Variants in TMEM184A observed in about 807,000 individuals in gnomAD.
TMEM184A encodes sexually dimorphic, expressed in male gonads 1.
In TMEM184A, 40 loss-of-function variants were observed where a neutral mutation model predicts 39.5. The observed-to-expected ratio is 1.01, with a 90% CI of 0.79 to 1.32. The LOEUF is 1.32. Ranked by LOEUF, TMEM184A falls within the 40% of genes most tolerant of loss-of-function variation. The pLI, the probability that TMEM184A is intolerant of heterozygous loss-of-function variation, is 0.00. For missense variants in TMEM184A, 603 were observed against 568.8 expected (o/e 1.06, Z -0.61); for synonymous variants, 280 against 252.3 (o/e 1.11, Z -1.04).
Position 1,555,406 on chromosome 7 carries a change from G to A in TMEM184A, c.79C>T (p.Pro27Ser), listed in dbSNP as rs1308945694. The A allele has an allele frequency of 6.2e-7, 1 of 1,611,932 alleles. No homozygotes were observed. The highest frequency in any genetic ancestry group is 1.7e-5 in the Admixed American group (1 of 59,944). Residue 27 changes from proline to serine, a missense_variant, in exon 2 of 9, where the codon CCG (proline) becomes TCG (serine). Physicochemically the swap from Pro to Ser is moderately conservative, Grantham distance 74. Coordinates refer to ENST00000297477, the MANE Select transcript of TMEM184A (RefSeq NM_001097620.2). This position sits in a 1 kb window ranked among gnomAD's most constrained non-coding sequence, Gnocchi z 5.2. ...SANWPQPSPPPAVPAGPQMDH... is the reference protein window; with the variant it reads ...SANWPQPSPPSAVPAGPQMDH... ...ATCTGCGGCCCAGCTGGCACAGCCGGTGGGGGGCTGGGCTGCGGCCAGTTC... is the reference window on the plus strand; with the variant it reads ...ATCTGCGGCCCAGCTGGCACAGCCGATGGGGGGCTGGGCTGCGGCCAGTTC...
intron 6 of TMEM184A, chr7:1,549,029 GCC>G: frequency 1.9e-6 from 1 of 524,718 alleles, no homozygotes; most frequent in South Asian, 1.5e-5. Flanking sequence ...CCTGGCCACT[GCC>G]TGAAGATCCT....
chr7:1,549,721 C>G, intron 6 of TMEM184A, 133 bp downstream of exon 6: 2 of 807,858 alleles, frequency 2.5e-6, no homozygotes, highest in Non-Finnish European at 4.1e-6. Flanking sequence ...CCACCTCATG[C>G]CAGGTGCCCC....
rs1215533134 is a variant in TMEM184A, at chr7:1,555,084, C to A, written c.219+182G>T. Among the ~76,000 whole-genome samples the A allele has an allele frequency of 1.3e-5, 2 of 152,108 alleles. No homozygotes were observed. Among genetic ancestry groups the A allele is most frequent in the African/African-American group, 4.8e-5 (2 of 41,428 alleles). On this transcript the variant is annotated intron_variant, in intron 2 of 8. Transcript: ENST00000297477. This position sits in a 1 kb window ranked among gnomAD's most constrained non-coding sequence, Gnocchi z 5.2. Reference sequence around the variant, plus strand: ...GCCCTCAGCCTGGCAGAGATCTCCCCATTTTCAGGCCCAGCTCCCACATGC... The same window carrying A: ...GCCCTCAGCCTGGCAGAGATCTCCCAATTTTCAGGCCCAGCTCCCACATGC...
intron 7 of TMEM184A, 106 bp downstream of exon 7, chr7:1,548,410 GAGA>G: frequency 7.6e-7 from 1 of 1,313,072 alleles, no homozygotes; most frequent in Non-Finnish European, 1.1e-6. Context: ...GCTGCAGCTG[GAGA>G]AACTGAAGCA....
chr7:1,550,475 G>T, intron 3 of TMEM184A, 80 bp from the exon 4 acceptor site: 2 of 1,229,040 alleles, frequency 1.6e-6, no homozygotes, highest in Non-Finnish European at 2.3e-6. Context: ...ACCAGGGCAG[G>T]AGGAGGCTCG....
rs771538542 is a variant in TMEM184A at position 1,550,340 on chromosome 7, G to A, written c.441C>T (p.Gly147=). 3.0e-5 allele frequency: 48 copies of A among 1,612,826 alleles called. No homozygotes were observed. Among genetic ancestry groups the A allele is most frequent in the Non-Finnish European group, 3.4e-5 (40 of 1,179,790 alleles). Residue 147 remains glycine (G), a synonymous_variant, in exon 4 of 9, where the codon GGC becomes GGT. Transcript: ENST00000297477. ...SLCFQYLGGE[G]AIMAEIRGKP... is the part of the protein sequence containing the mutation. ...TTCCACGAATCTCAGCCATGATGGC[G>A]CCCTCGCCTCCCAGGTACTGGAAAC...
rs1435615316 is a variant in TMEM184A at position 1,547,153 on chromosome 7, G to A, written c.1041C>T (p.Ser347=). The A allele has an allele frequency of 1.2e-6, 2 of 1,607,494 alleles. No individual in the cohort carries two copies. The highest frequency in any genetic ancestry group is 8.5e-7 in the Non-Finnish European group (1 of 1,179,306). The change falls in exon 9 of 9, where the codon TCC becomes TCT. Residue 347 remains serine, a synonymous_variant. Transcript: ENST00000297477. ...PAPPAPMQSI[S]SGIRETVSPQ... ...GGCTCACTGTCTCCCTGATGCCGCT[G>A]GAGATGCTCTGCATGGGTGCCGGGG...
chr7:1,547,326 C>G, intron 8 of TMEM184A, 145 bp from the exon 9 acceptor site: 1 of 619,056 alleles, frequency 1.6e-6, no homozygotes, highest in South Asian at 2.0e-5. Context: ...GACCCCTGGA[C>G]CCCAGCCCAG....
rs1470829781 is a variant in TMEM184A at position 1,555,440 on chromosome 7, CA to C, written c.44del (p.Leu15ArgfsTer122). 1 of 1,610,532 alleles carries C rather than the reference CA, an allele frequency of 6.2e-7. No homozygotes were observed. The highest frequency in any genetic ancestry group is 2.2e-5 in the East Asian group (1 of 44,876). On this transcript the variant is annotated frameshift_variant, in exon 2 of 9. Coordinates refer to ENST00000297477, the MANE Select transcript of TMEM184A (RefSeq NM_001097620.2). LOFTEE classifies it high-confidence loss of function. This position sits in a 1 kb window ranked among gnomAD's most constrained non-coding sequence, Gnocchi z 5.2. Reference protein sequence around the residue: ...SGILETAGVPLVSANWPQPSP... With the variant: ...SGILETAGVPXVSANWPQPSP... ...TGGGCTGCGGCCAGTTCGCTGACAC[CA>C]GGGGGACGCCGGCTGTCTCCAGGAT...
chr7:1,550,033 C>T (rs1246725383), intron 5 of TMEM184A, 88 bp from the exon 6 acceptor site: 1 of 1,593,622 alleles, frequency 6.3e-7, no homozygotes, highest in Non-Finnish European at 8.6e-7. Context: ...TGAGCAGCCC[C>T]CTGACACTGG....
chr7:1,546,761 T>C lies in TMEM184A; in HGVS notation c.*191A>G. On this transcript the variant is annotated 3_prime_UTR_variant, in exon 9 of 9. Coordinates refer to ENST00000297477, the MANE Select transcript of TMEM184A (RefSeq NM_001097620.2). ...TCCTGCGGTGGCGGGCCCACCTGGG[T>C]GCCTGCCAGGGCCATCAGGTGCCCT... The C allele has an allele frequency of 1.9e-6, 1 of 526,062 alleles. No homozygotes were observed. The highest frequency in any genetic ancestry group is 2.0e-5 in the African/African-American group (1 of 50,890). 32.6% of individuals were successfully genotyped at this position (526,062 alleles called of 1,614,324 possible).
At position 1,550,288 on chromosome 7, in the gene TMEM184A, T is replaced by C; in HGVS notation, c.476+17A>G. 1 of 1,611,888 alleles carries C rather than the reference T, an allele frequency of 6.2e-7. No individual in the cohort carries two copies. Among genetic ancestry groups the C allele is most frequent in the Non-Finnish European group, 8.5e-7 (1 of 1,179,264 alleles). On this transcript the variant is annotated intron_variant, in intron 4 of 8. Coordinates refer to ENST00000297477, the MANE Select transcript of TMEM184A (RefSeq NM_001097620.2). ...CCAGGTGTGTGGGGTGTGGGGGCTC[T>C]GGGGTGACGGGCTTACTTGATGGGC...
Position 1,555,342 on chromosome 7 carries a change from A to T in TMEM184A, c.143T>A (p.Leu48His), listed in dbSNP as rs376634312. Residue 48 changes from leucine (L) to histidine (H), a missense_variant, in exon 2 of 9, where the codon CTC (leucine) becomes CAC (histidine). Physicochemically the swap from Leu to His is moderately conservative, Grantham distance 99. Coordinates refer to ENST00000297477, the MANE Select transcript of TMEM184A (RefSeq NM_001097620.2). This position sits in a 1 kb window ranked among gnomAD's most constrained non-coding sequence, Gnocchi z 5.2. ...TCGGGCCAGTGCGGAGGTGAGGAAG[A>T]GCCAGGGGGCCCCCTGGGAGCTGTT... The part of the protein sequence containing the change: ...MGNSSQGAPW[L>H]FLTSALARGV... 2.0e-5 allele frequency: 32 copies of T among 1,609,776 alleles called. No homozygotes were observed. In the African/African-American group the frequency reaches 4.0e-4, roughly 20 times the overall value.
Position 1,550,810 on chromosome 7 carries a change from C to T in TMEM184A, c.385+7G>A, listed in dbSNP as rs772309599. The T allele has an allele frequency of 2.4e-5, 38 of 1,611,970 alleles. No homozygotes were observed. The African/African-American group carries it at 2.4e-4, about 10-fold the overall frequency. On this transcript the variant is annotated splice_region_variant and intron_variant, in intron 3 of 8. Transcript: ENST00000297477. ...GCTCCCCCGACCTGACGCAGCCTGG[C>T]GCCCACCTTCGTAGCAGTCCCGCAC...
chr7:1,549,956 C>T lies in TMEM184A; in HGVS notation c.553-11G>A, dbSNP rs765923895. ...GAACTGCAGAGTGGCCTGGGGGCGA[C>T]GGCACCCGGTGGGCCTGGGGCCAGG... On this transcript the variant is annotated splice_polypyrimidine_tract_variant and intron_variant, in intron 5 of 8. Coordinates refer to ENST00000297477, the MANE Select transcript of TMEM184A (RefSeq NM_001097620.2). 77 of 1,611,910 alleles carry T rather than the reference C, an allele frequency of 4.8e-5. No homozygotes were observed. Among genetic ancestry groups the T allele is most frequent in the African/African-American group, 2.3e-4 (17 of 74,848 alleles).
Position 1,555,541 on chromosome 7 carries a change from C to A in TMEM184A, c.1-57G>T. On this transcript the variant is annotated intron_variant, in intron 1 of 8. Transcript: ENST00000297477. This position sits in a 1 kb window ranked among gnomAD's most constrained non-coding sequence, Gnocchi z 5.2. ...GAGTGAGGGCAAAGGTACTGGCTCC[C>A]GGCAGCAGGAAGCAGCGGGGGAGGG... 7.1e-7 allele frequency: 1 copy of A among 1,403,942 alleles called. No homozygotes were observed. The highest frequency in any genetic ancestry group is 1.7e-5 in the Admixed American group (1 of 59,314). 87.0% of individuals were successfully genotyped at this position (1,403,942 alleles called of 1,614,324 possible).
At chr7:1,551,765 A>C (rs1015347722) in intron 2 of TMEM184A, among the ~76,000 whole-genome samples, 2 of 151,892 alleles carry the variant, frequency 1.3e-5, no homozygotes, top group African/African-American at 4.8e-5. Flanking sequence ...GGTGAAACAC[A>C]GTCTCTACTA....
At position 1,543,572 on chromosome 7, in the gene TMEM184A, G is replaced by A. The variant is rs1229029961; in HGVS notation, c.*3380C>T. 2 of 152,262 alleles carry A rather than the reference G, an allele frequency of 1.3e-5. No individual in the cohort carries two copies. The highest frequency in any genetic ancestry group is 4.8e-5 in the African/African-American group (2 of 41,442). 9.4% of individuals were successfully genotyped at this position (152,262 alleles called of 1,614,324 possible). On this transcript the variant is annotated 3_prime_UTR_variant, in exon 9 of 9. Transcript: ENST00000297477. ...ACCCCGCCCGGCCTTCCCCGTTTTT[G>A]GGGCTGAGCTGACCGAGGTGTGAAC...
At position 1,547,039 on chromosome 7, in the gene TMEM184A, G is replaced by A. The variant is rs567669465; in HGVS notation, c.1155C>T (p.Pro385=). The A allele has an allele frequency of 1.6e-5, 25 of 1,606,778 alleles. No homozygotes were observed. Among genetic ancestry groups the A allele is most frequent in the Admixed American group, 8.3e-5 (5 of 59,934 alleles). ...TQQATHEAPR[P]GTHPSGGSGG... ...CGGAGCCGCCGCTGGGGTGGGTGCC[G>A]GGCCTGGGCGCCTCGTGCGTGGCCT... Residue 385 remains proline (P), a synonymous_variant, in exon 9 of 9, where the codon CCC becomes CCT. Transcript: ENST00000297477.
Sources: gnomAD v4.1 joint callset for allele counts (sites outside exome capture counted in the v4.1 genomes callset) on GRCh38, gnomAD v4.1.1 for gene constraint, Gnocchi (gnomAD v3.1) non-coding constraint, MANE v1.5 for transcripts, NCBI Gene and HGNC (gene_info 2026-07-23, HGNC 2026-07-21) for gene names.